The following EXD3 variants were observed in gnomAD, a reference collection of about 807,000 sequenced individuals.
EXD3 encodes exonuclease 3'-5' domain containing 3.
Under a neutral mutation model 98.0 loss-of-function variants are expected in EXD3, and 92 were observed. The ratio of observed to expected loss-of-function variants is 0.94; its 90% confidence interval spans 0.79 to 1.12. The LOEUF (loss-of-function observed/expected upper bound fraction) is 1.12. Ranked by LOEUF, EXD3 falls within the 50% of genes most tolerant of loss-of-function variation. EXD3 has a pLI of 0.00. For synonymous variants in EXD3, 569 were observed against 526.0 expected (o/e 1.08, Z -1.12); for missense variants, 1,222 against 1,191.6 (o/e 1.03, Z -0.38).
At chr9:137,344,152 A>T (rs1463334449) in intron 17 of EXD3, among the ~76,000 whole-genome samples, 3 of 151,862 alleles carry the variant, frequency 2.0e-5, no homozygotes, top group Non-Finnish European at 4.4e-5. Flanking sequence ...CGGCCTCTGA[A>T]AGTGCTGGGA....
At chr9:137,379,498 A>T (rs1397808522) in intron 3 of EXD3, among the ~76,000 whole-genome samples, 2 of 133,392 alleles carry the variant, frequency 1.5e-5, no homozygotes, top group East Asian at 2.2e-4. Context: ...GGTGACGGTG[A>T]CCGTTGCCTG....
At chr9:137,321,040 G>A (rs1045496534) in intron 19 of EXD3, among the ~76,000 whole-genome samples, 1 of 152,202 alleles carries the variant, frequency 6.6e-6, no homozygotes, top group Non-Finnish European at 1.5e-5. Flanking sequence ...GCAGGGCAGT[G>A]GGGTCAGAGG....
At chr9:137,398,269 G>C (rs1406494084) in intron 1 of EXD3, among the ~76,000 whole-genome samples, 1 of 152,228 alleles carries the variant, frequency 6.6e-6, no homozygotes, top group Admixed American at 6.5e-5. Flanking sequence ...CTGCACGCCT[G>C]GCTCTGGGGT....
At chr9:137,363,304 A>G (rs188750039) in intron 7 of EXD3, among the ~76,000 whole-genome samples, 159 of 121,252 alleles carry the variant, frequency 1.3e-3, no homozygotes, top group African/African-American at 4.7e-3. Context: ...TTAATTCTCT[A>G]TAAGAGTTCA....
intron 8 of EXD3, 126 bp from the exon 9 acceptor site, chr9:137,354,899 G>T: frequency 1.1e-6 from 1 of 933,608 alleles, no homozygotes; most frequent in Non-Finnish European, 1.6e-6. Context: ...CCTCTGCCCC[G>T]GAGCCCACCC....
At chr9:137,369,144 C>T (rs1461040442) in intron 5 of EXD3, among the ~76,000 whole-genome samples, 14 of 20,516 alleles carry the variant, frequency 6.8e-4, no homozygotes, top group East Asian at 3.9e-3. Context: ...GGCGCAGGGC[C>T]GGGGCGGGGC....
rs368988055 is a variant in EXD3, at chr9:137,373,041, C to G, written c.326G>C (p.Arg109Pro). The part of the protein sequence containing the change: ...HSLRLKQLQA[R>P]AVKVLTESPP... The stretch of plus-strand genomic sequence containing the variant: ...GCTCTCAGTGAGGACTTTGACCGCT[C>G]GGGCCTGCAGCTGCTTCAGCCTCAG... Residue 109 changes from arginine (R) to proline (P), a missense_variant, in exon 5 of 22, where the codon CGA (arginine) becomes CCA (proline). By Grantham distance (103) the Arg-to-Pro change is moderately radical (BLOSUM62 -2). Coordinates refer to ENST00000340951, the MANE Select transcript of EXD3 (RefSeq NM_017820.5). The G allele has an allele frequency of 1.3e-6, 2 of 1,597,386 alleles. No homozygotes were observed. The highest frequency in any genetic ancestry group is 1.1e-5 in the South Asian group (1 of 89,624).
chr9:137,387,817 C>T (rs1327099002), intron 2 of EXD3, among the ~76,000 whole-genome samples: 1 of 152,212 alleles, frequency 6.6e-6, no homozygotes, highest in Non-Finnish European at 1.5e-5. Context: ...GGCCTTTGGT[C>T]CCCAGCGTGG....
rs58193745 is a variant in EXD3, at chr9:137,355,374, C to G, written c.758-601G>C. On this transcript the variant is annotated intron_variant, in intron 8 of 21. Coordinates refer to ENST00000340951, the MANE Select transcript of EXD3 (RefSeq NM_017820.5). ...AGGGCCCCACCCCCCACGCCCAGAGCGCAGCCACGGGGAGCCGGGCGACCA... is the reference window on the plus strand; with the variant it reads ...AGGGCCCCACCCCCCACGCCCAGAGGGCAGCCACGGGGAGCCGGGCGACCA... 2.0e-5 allele frequency among the ~76,000 whole-genome samples: 2 copies of G among 98,360 alleles called. 1 individual carries two copies. Among genetic ancestry groups the G allele is most frequent in the Non-Finnish European group, 4.4e-5 (2 of 45,580 alleles). The allele number at this position is 98,360 out of a possible 152,430, so 64.5% of individuals were successfully genotyped here.
chr9:137,354,785 G>C lies in EXD3; in HGVS notation c.758-12C>G, dbSNP rs1834527523. The C allele has an allele frequency of 2.5e-6, 4 of 1,607,410 alleles. No homozygotes were observed. Among genetic ancestry groups the C allele is most frequent in the Admixed American group, 3.3e-5 (2 of 59,760 alleles). ...GTTGGGACACAGCGCTGAAAGGAAA[G>C]GCCAGCTCAGCACTGAGGGCTCAGG... On this transcript the variant is annotated splice_polypyrimidine_tract_variant and intron_variant, in intron 8 of 21. Transcript: ENST00000340951.
intron 7 of EXD3, 117 bp downstream of exon 7, chr9:137,366,376 C>A (rs1835258388): frequency 7.0e-7 from 1 of 1,432,634 alleles, no homozygotes; most frequent in Non-Finnish European, 9.5e-7. Context: ...GACCCAAACA[C>A]CAGAACTTCC....
chr9:137,420,737 A>AACCCC (rs1554743328), intron 1 of EXD3, among the ~76,000 whole-genome samples: 15 of 112,454 alleles, frequency 1.3e-4, no homozygotes, highest in Admixed American at 1.8e-4. Context: ...ACAGACATTC[A>AACCCC]CCCCCCCCCC....
chr9:137,387,977 C>A (rs528854264), intron 2 of EXD3, among the ~76,000 whole-genome samples: 3 of 152,350 alleles, frequency 2.0e-5, no homozygotes, highest in African/African-American at 7.2e-5. Flanking sequence ...ATGGCCCTGG[C>A]CAGGAGGCTG....
At chr9:137,350,628 TGGGGATCACGGGGAGGGTTC>T (rs1834244489) in intron 14 of EXD3, among the ~76,000 whole-genome samples, 1 of 27,396 alleles carries the variant, frequency 3.7e-5, no homozygotes, top group Non-Finnish European at 6.9e-5. Flanking sequence ...TAGAGAGGGG[TGGGGATCACGGGGAGGGTTC>T]TAGATAGAGA....
intron 1 of EXD3, among the ~76,000 whole-genome samples, chr9:137,401,302 C>T (rs1018565693): frequency 2.6e-5 from 4 of 152,024 alleles, no homozygotes; most frequent in Admixed American, 2.0e-4. Context: ...AACAGATGCC[C>T]GCCACCACAC....
At chr9:137,398,540 C>A (rs1448639876) in intron 1 of EXD3, among the ~76,000 whole-genome samples, 1 of 149,612 alleles carries the variant, frequency 6.7e-6, no homozygotes, top group African/African-American at 2.5e-5. Flanking sequence ...ACACAGGCAA[C>A]CGCGTCCCCA....
rs1410009441 is a variant in EXD3, at chr9:137,371,769, T to G, written c.462+1136A>C. ...GAGCACCCCCAAGCAGGACATCCCC[T>G]GGCAGGACACCCCCGGGCTTCTTTG... On this transcript the variant is annotated intron_variant, in intron 5 of 21. Transcript: ENST00000340951. This position sits in a 1 kb window ranked among gnomAD's most constrained non-coding sequence, Gnocchi z 8.0. 1.3e-5 allele frequency among the ~76,000 whole-genome samples: 2 copies of G among 150,962 alleles called. No individual in the cohort carries two copies. The highest frequency in any genetic ancestry group is 4.9e-5 in the African/African-American group (2 of 41,026).
intron 19 of EXD3, 103 bp downstream of exon 19, chr9:137,323,622 C>CGAG: frequency 1.3e-6 from 2 of 1,491,480 alleles, no homozygotes; most frequent in Non-Finnish European, 1.8e-6. Flanking sequence ...CGACACCCCA[C>CGAG]CCCAGACCCA....
At chr9:137,356,482 T>C in intron 7 of EXD3, 114 bp from the exon 8 acceptor site, 1 of 735,908 alleles carries the variant, frequency 1.4e-6, no homozygotes, top group Non-Finnish European at 2.3e-6. Flanking sequence ...GTGAGGTTTA[T>C]AAGAAAATGC....
Sources: allele counts gnomAD v4.1 joint callset (sites outside exome capture counted in the v4.1 genomes callset), GRCh38; gene constraint gnomAD v4.1.1; non-coding constraint Gnocchi (gnomAD v3.1); transcripts MANE v1.5; gene names NCBI Gene and HGNC (gene_info 2026-07-23, HGNC 2026-07-21).